PTK7: variants seen among roughly 807,000 people sequenced by gnomAD.
PTK7 encodes inactive tyrosine-protein kinase 7.
In PTK7, 39 loss-of-function variants were observed where a neutral mutation model predicts 116.6. The observed-to-expected ratio is 0.33, with a 90% confidence interval of 0.26 to 0.44. PTK7 has a LOEUF of 0.44. Ranked by LOEUF, PTK7 falls within the 20% of genes least tolerant of loss-of-function variation. The probability of loss-of-function intolerance (pLI) is 1.00; values close to 1 mark genes in which losing one functional copy is unlikely to be tolerated. For missense variants in PTK7, 1,169 were observed against 1,425.6 expected (o/e 0.82, Z 2.90); for synonymous variants, 546 against 563.6 (o/e 0.97, Z 0.44).
intron 1 of PTK7, among the ~76,000 whole-genome samples, chr6:43,112,490 T>C (rs1768251097): frequency 6.6e-6 from 1 of 151,928 alleles, no homozygotes; most frequent in African/African-American, 2.4e-5. Flanking sequence ...GGGTCTCACA[T>C]TGTCTATCTG....
At chr6:43,106,176 G>A (rs1200444049) in intron 1 of PTK7, among the ~76,000 whole-genome samples, 1 of 152,000 alleles carries the variant, frequency 6.6e-6, no homozygotes, top group Admixed American at 6.6e-5. Flanking sequence ...AGTTCTAATG[G>A]CCTCTTGGTG....
Position 43,139,563 on chromosome 6 carries a change from C to A in PTK7, c.1618+38C>A, listed in dbSNP as rs752037681. ...CCGGCATAGGGTAGGGGCAGGCAGG[C>A]AGTTCACTGATCAGATACATACCTG... On this transcript the variant is annotated intron_variant, in intron 10 of 19. Coordinates refer to ENST00000230419, the MANE Select transcript of PTK7 (RefSeq NM_002821.5). This position sits in a 1 kb window ranked among gnomAD's most constrained non-coding sequence, Gnocchi z 4.6. The A allele has an allele frequency of 1.2e-6, 2 of 1,611,264 alleles. No individual in the cohort carries two copies. Among genetic ancestry groups the A allele is most frequent in the African/African-American group, 2.7e-5 (2 of 74,912 alleles).
intron 17 of PTK7, among the ~76,000 whole-genome samples, chr6:43,156,221 CCT>C (rs1168804582): frequency 1.8e-5 from 2 of 108,914 alleles, no homozygotes; most frequent in Admixed American, 2.1e-4. Flanking sequence ...AGAGCAATAC[CCT>C]GTCTCAAAAA....
chr6:43,103,404 C>G (rs540331193), intron 1 of PTK7, among the ~76,000 whole-genome samples: 1 of 152,052 alleles, frequency 6.6e-6, no homozygotes, highest in Non-Finnish European at 1.5e-5. Flanking sequence ...TCTTATTCAT[C>G]CTTGAGTTAG....
chr6:43,111,291 C>T (rs1318906734), intron 1 of PTK7, among the ~76,000 whole-genome samples: 1 of 152,186 alleles, frequency 6.6e-6, no homozygotes, highest in African/African-American at 2.4e-5. Flanking sequence ...GTCCCACGTA[C>T]CTGTATTTAG....
chr6:43,156,982 C>T (rs2095401), intron 17 of PTK7, among the ~76,000 whole-genome samples: 26,836 of 150,212 alleles, frequency 0.18, 2,767 homozygotes, highest in East Asian at 0.38. Flanking sequence ...ATTTTGTGTG[C>T]TTCCAGTTTT....
Position 43,130,344 on chromosome 6 carries a change from T to C in PTK7, c.585T>C (p.Ser195=). The C allele has an allele frequency of 6.2e-7, 1 of 1,612,824 alleles. No individual in the cohort carries two copies. The highest frequency in any genetic ancestry group is 8.5e-7 in the Non-Finnish European group (1 of 1,179,382). ...TCCGGCCAGCTGGTCCTGAGCATAG[T>C]GGGCTGTATTCCTGCTGCGCCCACA... ...LTLRPAGPEH[S]GLYSCCAHSA... The change falls in exon 4 of 20, where the codon AGT becomes AGC. Residue 195 remains serine (S), a synonymous_variant. Coordinates refer to ENST00000230419, the MANE Select transcript of PTK7 (RefSeq NM_002821.5).
At chr6:43,113,671 G>A (rs1350804690) in intron 1 of PTK7, among the ~76,000 whole-genome samples, 2 of 152,148 alleles carry the variant, frequency 1.3e-5, no homozygotes, top group East Asian at 3.9e-4. Context: ...TAGCAGGAGT[G>A]CTGGGTCAGG....
rs1769586963 is a variant in PTK7, at chr6:43,130,371, T to C, written c.612T>C (p.Ser204=). ...GGCTGTATTCCTGCTGCGCCCACAG[T>C]GCTTTTGGCCAGGCTTGCAGCAGCC... The part of the protein sequence containing the change: ...HSGLYSCCAH[S]AFGQACSSQN... Residue 204 remains serine, a synonymous_variant, in exon 4 of 20, where the codon AGT becomes AGC. Coordinates refer to ENST00000230419, the MANE Select transcript of PTK7 (RefSeq NM_002821.5). The C allele has an allele frequency of 1.2e-6, 2 of 1,611,216 alleles. No individual in the cohort carries two copies.
chr6:43,086,803 C>G (rs1766682624), intron 1 of PTK7, among the ~76,000 whole-genome samples: 1 of 152,110 alleles, frequency 6.6e-6, no homozygotes, highest in Non-Finnish European at 1.5e-5. Flanking sequence ...TGTGATTGCA[C>G]CACTGCACTC....
chr6:43,117,737 C>T lies in PTK7; in HGVS notation c.80-11240C>T, dbSNP rs928429101. Among the ~76,000 whole-genome samples, 8 of 151,958 alleles carry T rather than the reference C, an allele frequency of 5.3e-5. No homozygotes were observed. In the East Asian group the frequency reaches 7.7e-4, roughly 15 times the overall value. ...GGCAGATCACCTGAGATCAGGAGTTCGAGACCAGCCAACATGGTGAAACCC... is the reference window on the plus strand; with the variant it reads ...GGCAGATCACCTGAGATCAGGAGTTTGAGACCAGCCAACATGGTGAAACCC... On this transcript the variant is annotated intron_variant, in intron 1 of 19. Transcript: ENST00000230419.
intron 14 of PTK7, 167 bp from the exon 15 acceptor site, chr6:43,144,284 C>A: frequency 3.9e-6 from 3 of 765,282 alleles, no homozygotes; most frequent in Non-Finnish European, 4.2e-6. Flanking sequence ...ACATCCCCCA[C>A]CCAGCCCCAG....
chr6:43,143,370 T>G lies in PTK7; in HGVS notation c.2048-47T>G. The G allele has an allele frequency of 1.9e-6, 3 of 1,574,080 alleles. No individual in the cohort carries two copies. The highest frequency in any genetic ancestry group is 2.6e-6 in the Non-Finnish European group (3 of 1,153,704). ...GAGGAGTTAGTAGAGAAGCAGGGCTTCTTTTGCTTAGCAGCCCCTGCCCAG... is the reference window on the plus strand; with the variant it reads ...GAGGAGTTAGTAGAGAAGCAGGGCTGCTTTTGCTTAGCAGCCCCTGCCCAG... On this transcript the variant is annotated intron_variant, in intron 13 of 19. Transcript: ENST00000230419. This position sits in a 1 kb window ranked among gnomAD's most constrained non-coding sequence, Gnocchi z 4.2.
At chr6:43,101,512 A>G (rs1561943037) in intron 1 of PTK7, among the ~76,000 whole-genome samples, 4 of 151,858 alleles carry the variant, frequency 2.6e-5, no homozygotes, top group Non-Finnish European at 5.9e-5. Flanking sequence ...AGATTGCGCC[A>G]CTGCACTCCA....
intron 17 of PTK7, among the ~76,000 whole-genome samples, chr6:43,151,904 G>A (rs1263939997): frequency 2.1e-5 from 3 of 140,314 alleles, no homozygotes; most frequent in African/African-American, 8.1e-5. Flanking sequence ...GAGTGCAGTG[G>A]CGGGATCTCG....
chr6:43,159,647 G>T (rs967465204), intron 18 of PTK7, 141 bp from the exon 19 acceptor site: 1 of 796,372 alleles, frequency 1.3e-6, no homozygotes, highest in East Asian at 2.7e-5. Flanking sequence ...TGCTCAGCAC[G>T]CATGTGACCA....
chr6:43,148,255 A>AGGGGG (rs142093897), intron 17 of PTK7, among the ~76,000 whole-genome samples: 3 of 145,860 alleles, frequency 2.1e-5, no homozygotes, highest in African/African-American at 7.5e-5. Flanking sequence ...CCTGTCTCAA[A>AGGGGG]GGGAGGGGAG....
rs149112329 is a variant in PTK7, at chr6:43,130,322, G to C, written c.563G>C (p.Arg188Pro). Residue 188 changes from arginine to proline, a missense_variant, in exon 4 of 20, where the codon CGG (arginine) becomes CCG (proline). Physicochemically the swap from Arg to Pro is moderately radical, Grantham distance 103 (BLOSUM62 -2). Coordinates refer to ENST00000230419, the MANE Select transcript of PTK7 (RefSeq NM_002821.5). ...AGCAAGGAGCGGAACCTGACGCTCC[G>C]GCCAGCTGGTCCTGAGCATAGTGGG... ...VSSKERNLTL[R>P]PAGPEHSGLY... 1.2e-6 allele frequency: 2 copies of C among 1,612,406 alleles called. No individual in the cohort carries two copies. The highest frequency in any genetic ancestry group is 2.7e-5 in the African/African-American group (2 of 74,894).
intron 1 of PTK7, among the ~76,000 whole-genome samples, chr6:43,082,537 GC>G (rs1459933240): frequency 2.0e-5 from 3 of 152,144 alleles, no homozygotes; most frequent in African/African-American, 7.2e-5. Context: ...AGAAGTCCTG[GC>G]CTAGGCATCC....
Sources: allele counts gnomAD v4.1 joint callset (sites outside exome capture counted in the v4.1 genomes callset), GRCh38; gene constraint gnomAD v4.1.1; non-coding constraint Gnocchi (gnomAD v3.1); transcripts MANE v1.5; gene names NCBI Gene and HGNC (gene_info 2026-07-23, HGNC 2026-07-21).